Variants in WDR19 observed in about 807,000 individuals in gnomAD.
WDR19 encodes WD repeat domain 19.
A neutral mutation model predicts 180.0 loss-of-function variants in WDR19; 121 were observed. The ratio of observed to expected loss-of-function variants is 0.67; its 90% CI spans 0.58 to 0.78. The LOEUF (loss-of-function observed/expected upper bound fraction) is 0.78. Ranked by LOEUF, WDR19 falls within the 30% of genes least tolerant of loss-of-function variation. The pLI is 0.00. For synonymous variants in WDR19, 497 were observed against 540.7 expected (o/e 0.92, Z 1.12); for missense variants, 1,450 against 1,640.7 (o/e 0.88, Z 2.01).
chr4:39,230,357 C>T (rs867519388), intron 17 of WDR19, among the ~76,000 whole-genome samples: 2 of 152,250 alleles, frequency 1.3e-5, no homozygotes, highest in South Asian at 2.1e-4. Context: ...AAGCCTTCCC[C>T]GACTTCCCCA....
At chr4:39,282,211 G>A (rs1354790815) in intron 36 of WDR19, among the ~76,000 whole-genome samples, 2 of 152,130 alleles carry the variant, frequency 1.3e-5, no homozygotes, top group Admixed American at 1.3e-4. Flanking sequence ...GTATTACATA[G>A]GATAAGTATC....
intron 36 of WDR19, among the ~76,000 whole-genome samples, chr4:39,279,761 G>A (rs1736281625): frequency 6.8e-6 from 1 of 147,016 alleles, no homozygotes; most frequent in Admixed American, 6.9e-5. Flanking sequence ...GAGTACAGTG[G>A]CATGATCTCG....
chr4:39,242,129 G>GA (rs1284399665), intron 21 of WDR19, among the ~76,000 whole-genome samples: 7 of 152,096 alleles, frequency 4.6e-5, no homozygotes, highest in African/African-American at 1.7e-4. Flanking sequence ...TGCAGTGGAA[G>GA]AATCAGCTCA....
chr4:39,264,499 A>G (rs1159859119), intron 28 of WDR19, among the ~76,000 whole-genome samples: 2 of 152,146 alleles, frequency 1.3e-5, no homozygotes, highest in Non-Finnish European at 2.9e-5. Context: ...TCATCTCTTT[A>G]TTACTCAAGT....
chr4:39,258,746 C>T (rs185927555), intron 28 of WDR19, among the ~76,000 whole-genome samples: 1 of 152,212 alleles, frequency 6.6e-6, no homozygotes, highest in East Asian at 1.9e-4. Context: ...ATTCTCTTGA[C>T]GAACATAAAT....
intron 4 of WDR19, among the ~76,000 whole-genome samples, chr4:39,194,168 T>C (rs1726471680): frequency 6.6e-6 from 1 of 152,296 alleles, no homozygotes. Flanking sequence ...TAATATGTTA[T>C]TGGGTGCCAC....
At chr4:39,281,586 T>C (rs928954445) in intron 36 of WDR19, among the ~76,000 whole-genome samples, 2 of 152,234 alleles carry the variant, frequency 1.3e-5, no homozygotes, top group Non-Finnish European at 2.9e-5. Flanking sequence ...GTAGACAATT[T>C]TAGAATCAGT....
At chr4:39,258,007 A>G (rs1390854178) in intron 28 of WDR19, among the ~76,000 whole-genome samples, 1 of 151,426 alleles carries the variant, frequency 6.6e-6, no homozygotes, top group Non-Finnish European at 1.5e-5. Context: ...AAAGGTAACC[A>G]CAATTCTGAC....
intron 26 of WDR19, among the ~76,000 whole-genome samples, chr4:39,255,297 G>A (rs956341457): frequency 5.3e-5 from 8 of 152,220 alleles, no homozygotes; most frequent in African/African-American, 1.7e-4. Context: ...TTTGCTTTAT[G>A]CCTTTCTCTT....
intron 6 of WDR19, among the ~76,000 whole-genome samples, chr4:39,202,169 T>G (rs988104140): frequency 5.3e-5 from 8 of 152,212 alleles, no homozygotes; most frequent in African/African-American, 2.4e-5. Context: ...GACCTTCTTA[T>G]GTCTCTTAAT....
At chr4:39,251,364 G>C (rs559857866) in intron 24 of WDR19, among the ~76,000 whole-genome samples, 1 of 152,282 alleles carries the variant, frequency 6.6e-6, no homozygotes, top group East Asian at 1.9e-4. Context: ...ATTAATTCAA[G>C]ATGAATTAAA....
chr4:39,269,846 C>A, intron 30 of WDR19, 130 bp from the exon 31 acceptor site: 1 of 1,234,090 alleles, frequency 8.1e-7, no homozygotes, highest in Non-Finnish European at 1.1e-6. Context: ...TGCTGAGTTG[C>A]TTTGAATAAG....
At chr4:39,240,614 TA>T (rs1560527377) in intron 21 of WDR19, among the ~76,000 whole-genome samples, 1 of 152,172 alleles carries the variant, frequency 6.6e-6, no homozygotes, top group Admixed American at 6.5e-5. Context: ...CTTTCTTACT[TA>T]TAGGCTATGA....
chr4:39,265,741 C>T (rs774139931), intron 28 of WDR19, among the ~76,000 whole-genome samples: 2 of 142,596 alleles, frequency 1.4e-5, no homozygotes, highest in Non-Finnish European at 3.0e-5. Flanking sequence ...CACTGCACTC[C>T]AGCCTGGTGA....
chr4:39,221,799 C>T (rs780339155), intron 14 of WDR19, among the ~76,000 whole-genome samples: 15 of 151,996 alleles, frequency 9.9e-5, no homozygotes, highest in Non-Finnish European at 1.9e-4. Context: ...GTCTTTTATT[C>T]AACATTAATT....
chr4:39,200,328 CTTACTAT>C (rs1727242453), intron 6 of WDR19, among the ~76,000 whole-genome samples: 1 of 152,164 alleles, frequency 6.6e-6, no homozygotes, highest in Non-Finnish European at 1.5e-5. Context: ...TAAAACAACA[CTTACTAT>C]TTCATGGTTT....
intron 6 of WDR19, among the ~76,000 whole-genome samples, chr4:39,200,795 C>T (rs983863565): frequency 6.6e-6 from 1 of 152,204 alleles, no homozygotes; most frequent in Non-Finnish European, 1.5e-5. Context: ...AAGTGGGGAT[C>T]ATTGTGGGCC....
chr4:39,193,366 G>T (rs184200777), intron 4 of WDR19, among the ~76,000 whole-genome samples: 18 of 151,904 alleles, frequency 1.2e-4, no homozygotes, highest in African/African-American at 4.3e-4. Context: ...CACCATAATG[G>T]CCAGGCTGGT....
intron 2 of WDR19, 95 bp downstream of exon 2, chr4:39,185,912 T>G: frequency 7.1e-6 from 8 of 1,120,130 alleles, no homozygotes; most frequent in Non-Finnish European, 9.9e-6. Context: ...GTTTTTTTTT[T>G]TTAAATGGAG....
Sources: allele counts gnomAD v4.1 joint callset (sites outside exome capture counted in the v4.1 genomes callset), GRCh38; gene constraint gnomAD v4.1.1; transcripts MANE v1.5; gene names NCBI Gene and HGNC (gene_info 2026-07-23, HGNC 2026-07-21).